Variants in CHCHD3 observed in about 807,000 individuals in gnomAD.
CHCHD3 encodes MICOS complex subunit MIC19.
A neutral mutation model predicts 38.2 loss-of-function variants in CHCHD3; 20 were observed. The ratio of observed to expected loss-of-function variants is 0.52; its 90% CI spans 0.37 to 0.76. CHCHD3 has a LOEUF of 0.76. Ranked by LOEUF, CHCHD3 falls within the 30% of genes least tolerant of loss-of-function variation. The probability of loss-of-function intolerance (pLI) is 0.00; values close to 1 mark genes in which losing one functional copy is unlikely to be tolerated. For missense variants in CHCHD3, 245 were observed against 279.2 expected (o/e 0.88, Z 0.87); for synonymous variants, 82 against 100.0 (o/e 0.82, Z 1.07).
At chr7:132,956,857 G>A (rs1455113075) in intron 4 of CHCHD3, among the ~76,000 whole-genome samples, 2 of 152,164 alleles carry the variant, frequency 1.3e-5, no homozygotes, top group Non-Finnish European at 2.9e-5. Flanking sequence ...TGGTGGGAAG[G>A]GCTGCTAAGA....
chr7:133,004,774 T>C (rs897060452), intron 3 of CHCHD3, among the ~76,000 whole-genome samples: 9 of 152,176 alleles, frequency 5.9e-5, no homozygotes, highest in African/African-American at 2.2e-4. Context: ...AATTTTCAAA[T>C]GTTGGTACAT....
intron 4 of CHCHD3, 93 bp from the exon 5 acceptor site, chr7:132,885,838 A>G: frequency 1.2e-6 from 1 of 864,932 alleles, no homozygotes; most frequent in Non-Finnish European, 1.7e-6. Flanking sequence ...ATAAGAATAC[A>G]AATCTGAAGA....
At chr7:132,865,777 G>C (rs1304398832) in intron 5 of CHCHD3, among the ~76,000 whole-genome samples, 1 of 152,160 alleles carries the variant, frequency 6.6e-6, no homozygotes, top group Non-Finnish European at 1.5e-5. Flanking sequence ...TGGGTAGCAA[G>C]AGCAGGGAGG....
intron 5 of CHCHD3, among the ~76,000 whole-genome samples, chr7:132,854,133 C>T (rs533021039): frequency 6.6e-5 from 10 of 152,140 alleles, no homozygotes; most frequent in East Asian, 3.9e-4. Flanking sequence ...AAATGCCTTT[C>T]GAATGTACTC....
chr7:132,933,653 C>G (rs768562085), intron 4 of CHCHD3, among the ~76,000 whole-genome samples: 1 of 152,158 alleles, frequency 6.6e-6, no homozygotes, highest in Non-Finnish European at 1.5e-5. Context: ...CATAAATGTA[C>G]TCGATTAACA....
At chr7:133,046,570 T>TGG (rs869141368) in intron 2 of CHCHD3, among the ~76,000 whole-genome samples, 73 of 84,258 alleles carry the variant, frequency 8.7e-4, no homozygotes, top group African/African-American at 2.8e-3. Flanking sequence ...TGTATTTTTT[T>TGG]GGGGGGGGGA....
At chr7:132,861,417 T>C (rs1045910059) in intron 5 of CHCHD3, among the ~76,000 whole-genome samples, 5 of 152,212 alleles carry the variant, frequency 3.3e-5, no homozygotes, top group African/African-American at 1.2e-4. Context: ...TTTGGCTCAT[T>C]TTGTTCTCTG....
At chr7:132,991,490 A>T (rs779996050) in intron 3 of CHCHD3, among the ~76,000 whole-genome samples, 4 of 152,068 alleles carry the variant, frequency 2.6e-5, no homozygotes, top group Non-Finnish European at 4.4e-5. Flanking sequence ...TCCATTTTAT[A>T]TCATGTTTAA....
At chr7:132,881,266 T>C (rs1809048998) in intron 5 of CHCHD3, among the ~76,000 whole-genome samples, 1 of 152,124 alleles carries the variant, frequency 6.6e-6, no homozygotes, top group Non-Finnish European at 1.5e-5. Context: ...AATACCTGGG[T>C]AGAGGGAGTT....
intron 4 of CHCHD3, among the ~76,000 whole-genome samples, chr7:132,913,138 G>C (rs900296205): frequency 2.6e-5 from 4 of 152,130 alleles, no homozygotes; most frequent in African/African-American, 9.7e-5. Context: ...AAAGAATGTT[G>C]AGATTCCAAA....
chr7:132,995,373 G>A (rs1435522810), intron 3 of CHCHD3, among the ~76,000 whole-genome samples: 4 of 151,994 alleles, frequency 2.6e-5, no homozygotes, highest in Non-Finnish European at 4.4e-5. Flanking sequence ...GTTTCCTTCC[G>A]CTCCCTTAAG....
intron 4 of CHCHD3, among the ~76,000 whole-genome samples, chr7:132,940,535 G>A (rs1002223757): frequency 6.6e-6 from 1 of 152,174 alleles, no homozygotes; most frequent in Non-Finnish European, 1.5e-5. Context: ...CAGGGGTTTG[G>A]TTTTGTTGTA....
chr7:132,922,902 T>C (rs1585641385), intron 4 of CHCHD3, among the ~76,000 whole-genome samples: 1 of 152,286 alleles, frequency 6.6e-6, no homozygotes, highest in East Asian at 1.9e-4. Context: ...CCAAATGATG[T>C]TGATTCATCA....
At chr7:132,902,412 C>A (rs1809692070) in intron 4 of CHCHD3, among the ~76,000 whole-genome samples, 1 of 152,176 alleles carries the variant, frequency 6.6e-6, no homozygotes. Context: ...AGACTTGGAA[C>A]CAACCCAAAT....
At chr7:132,812,499 G>A (rs541095366) in intron 6 of CHCHD3, among the ~76,000 whole-genome samples, 8 of 152,114 alleles carry the variant, frequency 5.3e-5, no homozygotes, top group Admixed American at 1.3e-4. Flanking sequence ...ATGAGCCACC[G>A]CGCCTGGCCT....
intron 6 of CHCHD3, chr7:132,815,454 A>G (rs1807175072): frequency 1.0e-5 from 4 of 400,214 alleles, no homozygotes; most frequent in South Asian, 7.4e-5. Context: ...ACATTTTACC[A>G]GTTGTTCTTA....
intron 2 of CHCHD3, among the ~76,000 whole-genome samples, chr7:133,029,446 G>C (rs144146341): frequency 6.6e-6 from 1 of 152,156 alleles, no homozygotes; most frequent in Non-Finnish European, 1.5e-5. Context: ...CTGCTTCCTA[G>C]AGCTCAACTT....
At chr7:132,998,439 G>T (rs6978054) in intron 3 of CHCHD3, among the ~76,000 whole-genome samples, 41 of 152,146 alleles carry the variant, frequency 2.7e-4, no homozygotes, top group Non-Finnish European at 1.0e-4. Flanking sequence ...TGGAACTGGG[G>T]TCTCAGGTGT....
intron 7 of CHCHD3, among the ~76,000 whole-genome samples, chr7:132,786,390 G>A (rs1180640250): frequency 6.6e-6 from 1 of 152,196 alleles, no homozygotes; most frequent in Non-Finnish European, 1.5e-5. Context: ...AGGCTGGACA[G>A]AGCTACACAG....
Sources: gnomAD v4.1 joint callset for allele counts (sites outside exome capture counted in the v4.1 genomes callset) on GRCh38, gnomAD v4.1.1 for gene constraint, MANE v1.5 for transcripts, NCBI Gene and HGNC (gene_info 2026-07-23, HGNC 2026-07-21) for gene names.